SPIRE2: variants seen among roughly 807,000 people sequenced by gnomAD.
SPIRE2 encodes the protein spire type actin nucleation factor 2, also known as protein spire homolog 2.
In SPIRE2, 76 loss-of-function variants were observed where a neutral mutation model predicts 80.7. The observed-to-expected ratio is 0.94, with a 90% CI of 0.78 to 1.14. The LOEUF (loss-of-function observed/expected upper bound fraction) is 1.14, where lower values mean the gene tolerates loss of function less well. Among genes scored for constraint, SPIRE2 ranks in the 50% most tolerant of loss-of-function variants. SPIRE2 has a pLI of 0.00. For missense variants in SPIRE2, 1,196 were observed against 1,015.3 expected, an observed-to-expected ratio of 1.18 and a Z score of -2.42; for synonymous variants, 535 against 432.6, an observed-to-expected ratio of 1.24 and a Z score of -2.94.
intron 13 of SPIRE2, among the ~76,000 whole-genome samples, chr16:89,869,053 A>AAAAAAC: frequency 6.7e-4 from 16 of 24,016 alleles, no homozygotes; most frequent in African/African-American, 2.5e-3. Context: ...AAAAAAAAAA[A>AAAAAAC]ATATATATAT....
intron 1 of SPIRE2, among the ~76,000 whole-genome samples, chr16:89,829,856 G>A (rs2041362629): frequency 6.6e-6 from 1 of 151,434 alleles, no homozygotes; most frequent in African/African-American, 2.4e-5. Flanking sequence ...GCAGCGTTCA[G>A]ATTCACTGTG....
intron 12 of SPIRE2, among the ~76,000 whole-genome samples, chr16:89,866,055 G>A (rs1178379618): frequency 1.3e-5 from 2 of 151,790 alleles, no homozygotes; most frequent in Admixed American, 6.6e-5. Context: ...AGGCTGAGGT[G>A]GGAGGATCAC....
At position 89,841,225 on chromosome 16, in the gene SPIRE2, T is replaced by G. The variant is rs569706966; in HGVS notation, c.245-4097T>G. Reference sequence around the variant, plus strand: ...GAAAAAGAAACTCAGGTGGCTTTTCTTCTCTCATTGAGGCTGTGCTTCCCT... The same window carrying G: ...GAAAAAGAAACTCAGGTGGCTTTTCGTCTCTCATTGAGGCTGTGCTTCCCT... On this transcript the variant is annotated intron_variant, in intron 1 of 14. Coordinates refer to ENST00000378247, the MANE Select transcript of SPIRE2 (RefSeq NM_032451.2). Among the ~76,000 whole-genome samples the G allele has an allele frequency of 4.6e-5, 7 of 151,900 alleles. No homozygotes were observed. In the East Asian group the frequency reaches 1.4e-3, roughly 29 times the overall value.
intron 13 of SPIRE2, among the ~76,000 whole-genome samples, 180 bp from the exon 14 acceptor site, chr16:89,869,387 T>A (rs1370292849): frequency 6.6e-6 from 1 of 152,062 alleles, no homozygotes; most frequent in African/African-American, 2.4e-5. Flanking sequence ...AGGAACCCCG[T>A]GCCAGTCTTC....
intron 1 of SPIRE2, among the ~76,000 whole-genome samples, chr16:89,832,251 TC>T (rs1253322896): frequency 4.6e-5 from 7 of 152,250 alleles, no homozygotes; most frequent in African/African-American, 1.7e-4. Context: ...CACCGTGGCC[TC>T]GAGCCCGCAG....
In SPIRE2 at chr16:89,870,202, C is replaced by T. The variant is rs773287065; in HGVS notation, c.2075C>T (p.Thr692Ile). The T allele has an allele frequency of 5.0e-6, 8 of 1,609,310 alleles. No individual in the cohort carries two copies. The highest frequency in any genetic ancestry group is 6.8e-6 in the Non-Finnish European group (8 of 1,177,996). Residue 692 changes from threonine (T) to isoleucine (I), a missense_variant, in exon 15 of 15, where the codon ACT becomes ATT. Physicochemically the swap from Thr to Ile is moderately conservative, Grantham distance 89. Coordinates refer to ENST00000378247, the MANE Select transcript of SPIRE2 (RefSeq NM_032451.2). ...CGCAAGAGCGTGGACGTCCTCAACA[C>T]TACGCCACGACGCAGTCGCCAGACC... ...SSRKSVDVLN[T>I]TPRRSRQTQS...
intron 1 of SPIRE2, among the ~76,000 whole-genome samples, chr16:89,843,257 A>C (rs888050807): frequency 6.6e-6 from 1 of 152,192 alleles, no homozygotes; most frequent in Admixed American, 6.5e-5. Flanking sequence ...TGGAGCAAAC[A>C]GATTCATCCT....
At chr16:89,855,970 T>C in intron 6 of SPIRE2, 143 bp from the exon 7 acceptor site, 10 of 1,405,324 alleles carry the variant, frequency 7.1e-6, no homozygotes, top group Non-Finnish European at 9.5e-6. Context: ...TCCCTCCGGG[T>C]GGGCCTGGCA....
chr16:89,845,170 G>A, intron 1 of SPIRE2, 152 bp from the exon 2 acceptor site: 2 of 721,732 alleles, frequency 2.8e-6, no homozygotes, highest in Non-Finnish European at 4.8e-6. Flanking sequence ...TCGTCCAAAT[G>A]ACCAAGTGGC....
chr16:89,869,810 C>G, intron 14 of SPIRE2, 128 bp downstream of exon 14: 1 of 776,346 alleles, frequency 1.3e-6, no homozygotes, highest in South Asian at 1.6e-5. Flanking sequence ...AAATGCAAGG[C>G]AGAGACGGAT....
chr16:89,845,188 GCTGTGAGCTTT>G, intron 1 of SPIRE2, 123 bp from the exon 2 acceptor site: 1 of 813,564 alleles, frequency 1.2e-6, no homozygotes. Context: ...GGCTGGGCCT[GCTGTGAGCTTT>G]CTGGTGTTCC....
rs67559135 is a variant in SPIRE2, at chr16:89,869,072, A to ATATATATGTATG, written c.1807-492_1807-491insATATGTATGTAT. 9.3e-4 allele frequency among the ~76,000 whole-genome samples: 61 copies of ATATATATGTATG among 65,938 alleles called. 3 individuals are homozygous for ATATATATGTATG. Among genetic ancestry groups the ATATATATGTATG allele is most frequent in the South Asian group, 2.5e-3 (4 of 1,574 alleles). 43.3% of individuals were successfully genotyped at this position (65,938 alleles called of 152,430 possible). A position where few individuals can be genotyped will look rare whatever the true frequency, so the allele number is the denominator to read the frequency against. On this transcript the variant is annotated intron_variant, in intron 13 of 14. Transcript: ENST00000378247. Reference sequence around the variant, plus strand: ...AAAAAAAATATATATATATATATATATATGTTACCCCTCAGGCCTCAGTTC... The same window carrying ATATATATGTATG: ...AAAAAAAATATATATATATATATATATATATATGTATGTATGTTACCCCTCAGGCCTCAGTTC...
rs1032832515 is a variant in SPIRE2 at position 89,850,606 on chromosome 16, C to T, written c.591C>T (p.Phe197=). The part of the protein sequence containing the change: ...AHYQAVCRAL[F]VETLELRAFL... The stretch of plus-strand genomic sequence containing the variant: ...ACCAGGCCGTGTGCCGCGCGCTCTT[C>T]GTGGAGACGCTGGAGCTGCGGGCCT... The change falls in exon 3 of 15, where the codon TTC becomes TTT. Residue 197 remains phenylalanine, a synonymous_variant. Coordinates refer to ENST00000378247, the MANE Select transcript of SPIRE2 (RefSeq NM_032451.2). The T allele has an allele frequency of 2.0e-6, 3 of 1,517,182 alleles. No individual in the cohort carries two copies. Among genetic ancestry groups the T allele is most frequent in the East Asian group, 2.5e-5 (1 of 40,344 alleles). 94.0% of individuals were successfully genotyped at this position (1,517,182 alleles called of 1,614,324 possible).
intron 1 of SPIRE2, among the ~76,000 whole-genome samples, chr16:89,839,547 CCT>C (rs770047615): frequency 4.6e-5 from 7 of 152,156 alleles, no homozygotes; most frequent in African/African-American, 1.2e-4. Flanking sequence ...GCTGCGTCCC[CCT>C]GTCTGCCCTG....
At chr16:89,844,757 AT>A (rs1334767066) in intron 1 of SPIRE2, among the ~76,000 whole-genome samples, 1 of 152,080 alleles carries the variant, frequency 6.6e-6, no homozygotes, top group Non-Finnish European at 1.5e-5. Flanking sequence ...TAATTTTAAA[AT>A]TTTTTGTAGC....
intron 2 of SPIRE2, chr16:89,847,072 G>T (rs1472673514): frequency 6.6e-6 from 1 of 151,978 alleles, no homozygotes; most frequent in Admixed American, 6.6e-5. Flanking sequence ...CCCAGGGTGG[G>T]TGTGACACAG....
chr16:89,829,997 T>G (rs914240960), intron 1 of SPIRE2, among the ~76,000 whole-genome samples: 2 of 151,190 alleles, frequency 1.3e-5, no homozygotes, highest in African/African-American at 2.4e-5. Flanking sequence ...TTCCTGGAGA[T>G]AAGTGCAGAG....
At chr16:89,859,450 C>A in intron 9 of SPIRE2, 96 bp downstream of exon 9, 1 of 756,278 alleles carries the variant, frequency 1.3e-6, no homozygotes, top group Non-Finnish European at 1.9e-6. Context: ...TCTTCCTGAG[C>A]AGGCAGCTCC....
At chr16:89,867,573 G>C (rs996065494) in intron 12 of SPIRE2, among the ~76,000 whole-genome samples, 2 of 148,508 alleles carry the variant, frequency 1.3e-5, no homozygotes, top group African/African-American at 5.0e-5. Context: ...TGCTTAAGAG[G>C]GACTTTTACC....
Sources: allele counts gnomAD v4.1 joint callset (sites outside exome capture counted in the v4.1 genomes callset), GRCh38; gene constraint gnomAD v4.1.1; transcripts MANE v1.5; gene names NCBI Gene and HGNC (gene_info 2026-07-23, HGNC 2026-07-21).